The following CADPS variants were observed in gnomAD, a reference collection of about 807,000 sequenced individuals.
The protein encoded by CADPS is calcium-dependent secretion activator 1.
Under a neutral mutation model 167.3 loss-of-function variants are expected in CADPS, and 57 were observed. That is an observed-to-expected ratio of 0.34 (90% CI 0.28 to 0.42). The LOEUF is 0.42. Among genes scored for constraint, CADPS ranks in the 20% least tolerant of loss-of-function variants. The pLI is 1.00. For missense variants in CADPS, 1,414 were observed against 1,738.1 expected (o/e 0.81, Z 3.32); for synonymous variants, 676 against 635.3 (o/e 1.06, Z -0.96).
At chr3:62,808,243 A>C (rs2094206847) in intron 1 of CADPS, among the ~76,000 whole-genome samples, 1 of 43,558 alleles carries the variant, frequency 2.3e-5, no homozygotes, top group Non-Finnish European at 4.6e-5. Flanking sequence ...AAATGGAATA[A>C]AAATAATAAA....
At chr3:62,656,474 G>C (rs909175967) in intron 4 of CADPS, among the ~76,000 whole-genome samples, 3 of 152,164 alleles carry the variant, frequency 2.0e-5, no homozygotes, top group African/African-American at 7.2e-5. Flanking sequence ...CAGAGTTTTT[G>C]TTCTTAGCTA....
intron 3 of CADPS, among the ~76,000 whole-genome samples, chr3:62,734,372 C>T (rs569079): frequency 2.6e-5 from 4 of 151,918 alleles, no homozygotes; most frequent in East Asian, 1.9e-4. Context: ...CTGAGGTAGT[C>T]GCTACCATTT....
At chr3:62,600,746 C>T (rs141618809) in intron 6 of CADPS, among the ~76,000 whole-genome samples, 1 of 152,172 alleles carries the variant, frequency 6.6e-6, no homozygotes, top group Admixed American at 6.5e-5. Context: ...ATGCCCCGTG[C>T]AGAAATAACA....
chr3:62,467,194 G>T, intron 24 of CADPS: 1 of 418,244 alleles, frequency 2.4e-6, no homozygotes, highest in Non-Finnish European at 3.6e-6. Context: ...CCAGCTCCTT[G>T]ACATTTATTA....
At chr3:62,531,948 G>A (rs2073788927) in intron 13 of CADPS, among the ~76,000 whole-genome samples, 1 of 152,196 alleles carries the variant, frequency 6.6e-6, no homozygotes, top group Admixed American at 6.5e-5. Context: ...TACAGAGTCA[G>A]GAGACTTGAC....
chr3:62,696,957 T>C (rs2080407434), intron 3 of CADPS, among the ~76,000 whole-genome samples: 1 of 152,068 alleles, frequency 6.6e-6, no homozygotes, highest in Non-Finnish European at 1.5e-5. Context: ...TTATAACACA[T>C]ATTCACAAAT....
intron 11 of CADPS, among the ~76,000 whole-genome samples, chr3:62,542,449 T>C (rs941847991): frequency 3.3e-5 from 5 of 152,086 alleles, no homozygotes; most frequent in African/African-American, 1.2e-4. Context: ...TGACAATGAC[T>C]GATGGCAGCT....
intron 13 of CADPS, among the ~76,000 whole-genome samples, chr3:62,521,786 A>G (rs971912554): frequency 6.6e-6 from 1 of 152,172 alleles, no homozygotes; most frequent in Non-Finnish European, 1.5e-5. Context: ...GGCCTCAGCC[A>G]CATTCTGGCC....
At chr3:62,555,308 T>A (rs1161424672) in intron 10 of CADPS, among the ~76,000 whole-genome samples, 1 of 152,234 alleles carries the variant, frequency 6.6e-6, no homozygotes, top group Admixed American at 6.5e-5. Flanking sequence ...TAAAAATATA[T>A]GTGCACAGTT....
intron 3 of CADPS, among the ~76,000 whole-genome samples, chr3:62,729,517 C>A (rs538386884): frequency 2.0e-5 from 3 of 151,778 alleles, no homozygotes; most frequent in Non-Finnish European, 2.9e-5. Context: ...ATCAGAGAGA[C>A]CTTGGATGAA....
At chr3:62,857,550 G>A (rs1438798376) in intron 1 of CADPS, among the ~76,000 whole-genome samples, 2 of 151,870 alleles carry the variant, frequency 1.3e-5, no homozygotes, top group Non-Finnish European at 2.9e-5. Context: ...AGAATGACAT[G>A]GTTTTTCATA....
At chr3:62,568,810 T>A (rs2080771234) in intron 9 of CADPS, among the ~76,000 whole-genome samples, 1 of 152,190 alleles carries the variant, frequency 6.6e-6, no homozygotes, top group Admixed American at 6.5e-5. Flanking sequence ...GCCCTGTTCT[T>A]AACATGGATG....
At position 62,399,072 on chromosome 3, in the gene CADPS, C is replaced by T. The variant is rs1704984221; in HGVS notation, c.*334G>A. ...ATGTACTTGCCCTCACATCCATTTA[C>T]CACCAATGCATACATAGTACATGAA... On this transcript the variant is annotated 3_prime_UTR_variant, in exon 30 of 30. Transcript: ENST00000383710. This position sits in a 1 kb window ranked among gnomAD's most constrained non-coding sequence, Gnocchi z 5.6. The T allele has an allele frequency of 5.4e-6, 1 of 184,692 alleles. No individual in the cohort carries two copies. 11.4% of individuals were successfully genotyped at this position (184,692 alleles called of 1,614,324 possible).
intron 1 of CADPS, among the ~76,000 whole-genome samples, chr3:62,861,519 C>T (rs1048860628): frequency 6.6e-6 from 1 of 152,196 alleles, no homozygotes; most frequent in African/African-American, 2.4e-5. Flanking sequence ...CAAATCTCCC[C>T]ACAAAATTAT....
At chr3:62,409,754 G>A (rs192901124) in intron 28 of CADPS, among the ~76,000 whole-genome samples, 119 of 152,262 alleles carry the variant, frequency 7.8e-4, no homozygotes, top group Middle Eastern at 6.8e-3. Flanking sequence ...AAGCTATAAC[G>A]TTGATCAAAA....
At chr3:62,639,043 AC>A (rs1579368195) in intron 6 of CADPS, among the ~76,000 whole-genome samples, 1 of 135,096 alleles carries the variant, frequency 7.4e-6, no homozygotes, top group East Asian at 1.9e-4. Flanking sequence ...GCCCACCTTC[AC>A]CCTCCAGCTC....
chr3:62,504,249 C>A (rs2151386347), intron 17 of CADPS, among the ~76,000 whole-genome samples: 1 of 152,226 alleles, frequency 6.6e-6, no homozygotes, highest in East Asian at 1.9e-4. Context: ...AAATGATAAC[C>A]ATTTAAAAGG....
At chr3:62,852,290 C>A (rs1015598151) in intron 1 of CADPS, among the ~76,000 whole-genome samples, 4 of 152,046 alleles carry the variant, frequency 2.6e-5, no homozygotes, top group African/African-American at 9.7e-5. Context: ...AAATCATTCT[C>A]CATCCAGCTT....
intron 6 of CADPS, among the ~76,000 whole-genome samples, chr3:62,640,814 G>A (rs984386654): frequency 6.6e-6 from 1 of 152,034 alleles, no homozygotes; most frequent in Admixed American, 6.6e-5. Flanking sequence ...TTATTTAAGT[G>A]TTCCAGTATT....
Sources: allele counts gnomAD v4.1 joint callset (sites outside exome capture counted in the v4.1 genomes callset), GRCh38; gene constraint gnomAD v4.1.1; non-coding constraint Gnocchi (gnomAD v3.1); transcripts MANE v1.5; gene names NCBI Gene and HGNC (gene_info 2026-07-23, HGNC 2026-07-21).